The following NHEJ1 variants were observed in gnomAD, a reference collection of about 807,000 sequenced individuals.
NHEJ1 encodes non-homologous end-joining factor 1.
NHEJ1 carries 22 observed loss-of-function variants against 39.4 expected under a neutral mutation model. That is an observed-to-expected ratio of 0.56 (90% CI 0.40 to 0.80). The LOEUF is 0.80. Among genes scored for constraint, NHEJ1 ranks in the 30% least tolerant of loss-of-function variants. The pLI, the probability that NHEJ1 is intolerant of heterozygous loss-of-function variation, is 0.00. For missense variants in NHEJ1, 329 were observed against 357.1 expected, an observed-to-expected ratio of 0.92 and a Z score of 0.63; for synonymous variants, 154 against 135.6, an observed-to-expected ratio of 1.14 and a Z score of -0.94.
chr2:219,087,772 C>T (rs1949124925), intron 5 of NHEJ1, among the ~76,000 whole-genome samples: 1 of 152,066 alleles, frequency 6.6e-6, no homozygotes. Context: ...ATAAATTGGA[C>T]TAGATTAAAA....
intron 5 of NHEJ1, among the ~76,000 whole-genome samples, chr2:219,092,031 A>C (rs890777687): frequency 6.6e-6 from 1 of 152,216 alleles, no homozygotes; most frequent in African/African-American, 2.4e-5. Context: ...TTGTGGGTTT[A>C]GCAAAATATG....
intron 5 of NHEJ1, among the ~76,000 whole-genome samples, chr2:219,112,780 G>A (rs1172896643): frequency 2.6e-5 from 4 of 151,982 alleles, no homozygotes; most frequent in Non-Finnish European, 4.4e-5. Flanking sequence ...CTGAAACTTC[G>A]CCCTCTTTTA....
chr2:219,097,087 C>A (rs1043032692), intron 5 of NHEJ1, among the ~76,000 whole-genome samples: 1 of 152,114 alleles, frequency 6.6e-6, no homozygotes, highest in Non-Finnish European at 1.5e-5. Context: ...ATAAAATAGG[C>A]TTTGTGTTAG....
chr2:219,159,564 C>CATATATAT (rs373610993), intron 1 of NHEJ1, among the ~76,000 whole-genome samples: 2 of 61,772 alleles, frequency 3.2e-5, no homozygotes, highest in Non-Finnish European at 5.7e-5. Flanking sequence ...TATATATATG[C>CATATATAT]ATATATATAT....
chr2:219,095,677 T>A (rs1350990699), intron 5 of NHEJ1, among the ~76,000 whole-genome samples: 2 of 152,082 alleles, frequency 1.3e-5, no homozygotes, highest in Non-Finnish European at 2.9e-5. Flanking sequence ...GAGCCTAGGA[T>A]CTAGTTCAGG....
intron 3 of NHEJ1, among the ~76,000 whole-genome samples, chr2:219,148,330 C>G (rs1949762191): frequency 6.6e-6 from 1 of 152,094 alleles, no homozygotes; most frequent in Admixed American, 6.6e-5. Context: ...GAGGTAGGAA[C>G]TCACTTAAGC....
intron 5 of NHEJ1, among the ~76,000 whole-genome samples, chr2:219,102,990 G>A (rs1334255606): frequency 8.1e-6 from 1 of 123,260 alleles, no homozygotes; most frequent in South Asian, 2.8e-4. Context: ...GGGCGACAGA[G>A]CGAGACTCCG....
intron 2 of NHEJ1, among the ~76,000 whole-genome samples, chr2:219,157,943 C>T (rs1949870739): frequency 6.6e-6 from 1 of 150,968 alleles, no homozygotes. Context: ...TATTCATTAT[C>T]ATGCATAGGG....
intron 3 of NHEJ1, among the ~76,000 whole-genome samples, chr2:219,150,607 C>T (rs1949785632): frequency 6.6e-6 from 1 of 152,118 alleles, no homozygotes; most frequent in Admixed American, 6.6e-5. Context: ...ATCGCTTGAG[C>T]TTAGGAGTTT....
chr2:219,124,005 A>G (rs1370786460), intron 5 of NHEJ1, among the ~76,000 whole-genome samples: 1 of 152,236 alleles, frequency 6.6e-6, no homozygotes, highest in African/African-American at 2.4e-5. Flanking sequence ...GGAGAAGGAA[A>G]TAGGAGGAAT....
In NHEJ1 at chr2:219,074,576, T is replaced by C. The variant is rs1325313217; in HGVS notation, c.*1805A>G. On this transcript the variant is annotated 3_prime_UTR_variant, in exon 8 of 8. Coordinates refer to ENST00000356853, the MANE Select transcript of NHEJ1 (RefSeq NM_024782.3). ...CTAGCCAACATGGTGAAACCCTGTC[T>C]CTACAAAAAATACAAAAATTAGCCG... Among the ~76,000 whole-genome samples the C allele has an allele frequency of 6.6e-6, 1 of 151,956 alleles. No homozygotes were observed. Among genetic ancestry groups the C allele is most frequent in the Admixed American group, 6.6e-5 (1 of 15,244 alleles).
Position 219,109,785 on chromosome 2 carries a change from GA to G in NHEJ1, c.589-31580del, listed in dbSNP as rs1949347423. ...CTGCCTGCAATTCACAGGCCAGGAG[GA>G]AACAGGCCCTGTCAGACTGCCTAAG... is the stretch of plus-strand genomic sequence containing the variant. On this transcript the variant is annotated intron_variant, in intron 5 of 7. Transcript: ENST00000356853. Among the ~76,000 whole-genome samples, 3 of 152,162 alleles carry G rather than the reference GA, an allele frequency of 2.0e-5. No homozygotes were observed. The South Asian group carries it at 6.2e-4, about 32-fold the overall frequency.
chr2:219,156,982 A>T (rs902081285), intron 3 of NHEJ1, among the ~76,000 whole-genome samples: 1 of 152,124 alleles, frequency 6.6e-6, no homozygotes, highest in Admixed American at 6.5e-5. Context: ...CTTGCTCCTC[A>T]CTTACACATC....
chr2:219,090,490 T>C (rs1949150852), intron 5 of NHEJ1, among the ~76,000 whole-genome samples: 1 of 152,200 alleles, frequency 6.6e-6, no homozygotes, highest in Admixed American at 6.5e-5. Flanking sequence ...AAGGATATGC[T>C]ATAGCATGCT....
At chr2:219,121,523 T>A (rs980570408) in intron 5 of NHEJ1, among the ~76,000 whole-genome samples, 1 of 152,152 alleles carries the variant, frequency 6.6e-6, no homozygotes, top group African/African-American at 2.4e-5. Context: ...AAGGCCCCCG[T>A]GCATCTTTCA....
At chr2:219,080,639 G>A (rs1439477081) in intron 5 of NHEJ1, among the ~76,000 whole-genome samples, 3 of 130,960 alleles carry the variant, frequency 2.3e-5, no homozygotes, top group Admixed American at 7.5e-5. Flanking sequence ...ATATATATAA[G>A]CTTATATATA....
chr2:219,128,268 T>A (rs1233972708), intron 5 of NHEJ1, among the ~76,000 whole-genome samples: 1 of 152,218 alleles, frequency 6.6e-6, no homozygotes, highest in Non-Finnish European at 1.5e-5. Flanking sequence ...AGAGGACTTA[T>A]CTCAATGAAC....
In NHEJ1 at chr2:219,158,274, G is replaced by C. The variant is rs1174084053; in HGVS notation, c.89C>G (p.Thr30Ser). 6.2e-7 allele frequency: 1 copy of C among 1,614,224 alleles called. No individual in the cohort carries two copies. The highest frequency in any genetic ancestry group is 2.2e-5 in the East Asian group (1 of 44,890). The change falls in exon 2 of 8, where the codon ACC (threonine) becomes AGC (serine). Residue 30 changes from threonine (T) to serine (S), a missense_variant. By Grantham distance (58) the Thr-to-Ser change is moderately conservative. Transcript: ENST00000356853. Reference protein sequence around the residue: ...ENSLLAKVFITKQGYALLVSD... With the variant: ...ENSLLAKVFISKQGYALLVSD... ...AACCAACAAGGCATAGCCCTGCTTG[G>C]TGATAAAAACCTTGGCCAAGAGGGA...
chr2:219,110,115 C>T (rs1404284374), intron 5 of NHEJ1, among the ~76,000 whole-genome samples: 1 of 152,120 alleles, frequency 6.6e-6, no homozygotes, highest in African/African-American at 2.4e-5. Context: ...CTTACATGTG[C>T]CAAGCATTGT....
Sources: allele counts gnomAD v4.1 joint callset (sites outside exome capture counted in the v4.1 genomes callset), GRCh38; gene constraint gnomAD v4.1.1; transcripts MANE v1.5; gene names NCBI Gene and HGNC (gene_info 2026-07-23, HGNC 2026-07-21).